The following ELAVL2 variants were observed in gnomAD, a reference collection of about 807,000 sequenced individuals.
ELAVL2 encodes ELAV-like protein 2.
A neutral mutation model predicts 34.6 loss-of-function variants in ELAVL2; 4 were observed. The observed-to-expected ratio is 0.12, with a 90% CI of 0.06 to 0.26. ELAVL2 has a LOEUF of 0.26. ELAVL2 is among the 10% of genes least tolerant of loss of function. The pLI, the probability that ELAVL2 is intolerant of heterozygous loss-of-function variation, is 1.00. For synonymous variants in ELAVL2, 193 were observed against 154.8 expected (o/e 1.25, Z -1.83); for missense variants, 432 against 442.8 (o/e 0.98, Z 0.22).
At chr9:23,703,164 C>T (rs2038061866) in intron 4 of ELAVL2, among the ~76,000 whole-genome samples, 2 of 152,168 alleles carry the variant, frequency 1.3e-5, no homozygotes, top group South Asian at 4.2e-4. Context: ...TACTTGAGAA[C>T]CGCTGACTAA....
chr9:23,835,492 C>T, the ELAVL2 span, among the ~76,000 whole-genome samples: 1 of 151,990 alleles, frequency 6.6e-6, no homozygotes, highest in Non-Finnish European at 1.5e-5. Flanking sequence ...GTATTTTCTG[C>T]TCTAGTTTTC....
At chr9:23,792,852 C>A (rs1487166821) in intron 1 of ELAVL2, among the ~76,000 whole-genome samples, 12 of 152,118 alleles carry the variant, frequency 7.9e-5, no homozygotes, top group Admixed American at 7.9e-4. Context: ...CTCACGGTGG[C>A]CTCCAACTCC....
chr9:23,836,942 G>A, the ELAVL2 span, among the ~76,000 whole-genome samples: 1 of 152,174 alleles, frequency 6.6e-6, no homozygotes, highest in African/African-American at 2.4e-5. Context: ...CCCAAAGGTA[G>A]AGGAATTAGA....
At chr9:23,845,791 T>A in the ELAVL2 span, among the ~76,000 whole-genome samples, 1 of 150,564 alleles carries the variant, frequency 6.6e-6, no homozygotes, top group South Asian at 2.1e-4. Flanking sequence ...TCTCTGCATT[T>A]AAAAAAAAAG....
At chr9:23,739,519 T>C (rs78701722) in intron 2 of ELAVL2, among the ~76,000 whole-genome samples, 2,795 of 152,206 alleles carry the variant, frequency 0.018, 80 homozygotes, top group African/African-American at 0.063. Context: ...TTATAATTAA[T>C]TCTACACAGA....
chr9:23,779,945 C>CT (rs905672409), intron 1 of ELAVL2, among the ~76,000 whole-genome samples: 9 of 103,262 alleles, frequency 8.7e-5, no homozygotes, highest in Non-Finnish European at 1.3e-4. Context: ...TTGGCTTTTT[C>CT]TTTTTTTTCC....
At chr9:23,804,470 CT>C (rs1259633724) in intron 1 of ELAVL2, among the ~76,000 whole-genome samples, 1 of 152,140 alleles carries the variant, frequency 6.6e-6, no homozygotes, top group East Asian at 1.9e-4. Context: ...AGCACATACT[CT>C]TTATTTACAG....
Position 23,692,435 on chromosome 9 carries a change from G to A in ELAVL2, c.*122C>T, listed in dbSNP as rs2033446930. On this transcript the variant is annotated 3_prime_UTR_variant, in exon 7 of 7. Coordinates refer to ENST00000397312, the MANE Select transcript of ELAVL2 (RefSeq NM_004432.5). ...TCTCACATATTTCTTAGGATGCTAA[G>A]TAGTCATTTTATCCCCATCTCAACA... is the stretch of plus-strand genomic sequence containing the variant. 1.0e-6 allele frequency: 1 copy of A among 964,866 alleles called. No individual in the cohort carries two copies. Among genetic ancestry groups the A allele is most frequent in the Non-Finnish European group, 1.5e-6 (1 of 663,544 alleles). The allele number at this position is 964,866 out of a possible 1,614,324, so 59.8% of individuals were successfully genotyped here.
At position 23,692,508 on chromosome 9, in the gene ELAVL2, C is replaced by T. The variant is rs964057783; in HGVS notation, c.*49G>A. The T allele has an allele frequency of 1.9e-6, 3 of 1,539,852 alleles. No individual in the cohort carries two copies. Among genetic ancestry groups the T allele is most frequent in the South Asian group, 1.3e-5 (1 of 78,942 alleles). On this transcript the variant is annotated 3_prime_UTR_variant, in exon 7 of 7. Transcript: ENST00000397312. ...AATGTATAAAGTTTCTCTTAACTTG[C>T]CTTTGTTGTATAGTTTTCATATATA...
rs369930793 is a variant in ELAVL2 at position 23,747,137 on chromosome 9, C to T, written c.229+14869G>A. 2.4e-4 allele frequency among the ~76,000 whole-genome samples: 36 copies of T among 151,794 alleles called. No homozygotes were observed. The South Asian group carries it at 7.3e-3, about 31-fold the overall frequency. The stretch of plus-strand genomic sequence containing the variant: ...TGGATAACTGAAACCACAGATAGTA[C>T]TGAATCCAACATAATATACACTACT... On this transcript the variant is annotated intron_variant, in intron 2 of 6. Transcript: ENST00000397312.
intron 1 of ELAVL2, among the ~76,000 whole-genome samples, chr9:23,818,818 G>T (rs905613812): frequency 6.6e-6 from 1 of 152,222 alleles, no homozygotes; most frequent in Non-Finnish European, 1.5e-5. Context: ...GGTAAAGTCA[G>T]TCTTGATAAG....
intron 1 of ELAVL2, among the ~76,000 whole-genome samples, chr9:23,765,442 A>G (rs2056024051): frequency 6.6e-6 from 1 of 152,298 alleles, no homozygotes; most frequent in Non-Finnish European, 1.5e-5. Context: ...TCTCTTAAGG[A>G]TGTGGGAGAA....
At chr9:23,782,497 G>T (rs570450242) in intron 1 of ELAVL2, among the ~76,000 whole-genome samples, 3 of 152,178 alleles carry the variant, frequency 2.0e-5, no homozygotes, top group Non-Finnish European at 4.4e-5. Context: ...ACTTGAATCT[G>T]GGAGGCAGAG....
At chr9:23,705,377 G>A in intron 3 of ELAVL2, among the ~76,000 whole-genome samples, 1 of 152,200 alleles carries the variant, frequency 6.6e-6, no homozygotes, top group Non-Finnish European at 1.5e-5. Flanking sequence ...AATGGTCAAT[G>A]GGTCTGGGAT....
At chr9:23,819,992 C>G (rs2064313184) in intron 1 of ELAVL2, among the ~76,000 whole-genome samples, 1 of 152,118 alleles carries the variant, frequency 6.6e-6, no homozygotes, top group South Asian at 2.1e-4. Context: ...CAGTAACATT[C>G]GGGTCCACTC....
chr9:23,849,954 C>CA, the ELAVL2 span: 1 of 152,110 alleles, frequency 6.6e-6, no homozygotes, highest in Non-Finnish European at 1.5e-5. Context: ...CTTAAATTTT[C>CA]AAAACTGCTT....
At chr9:23,765,095 G>T in intron 1 of ELAVL2, 1 of 1,597,884 alleles carries the variant, frequency 6.3e-7, no homozygotes, top group Non-Finnish European at 8.5e-7. Context: ...GTTTGGAGTT[G>T]CCGTCTGCAA....
At chr9:23,748,151 T>C (rs1369969389) in intron 2 of ELAVL2, among the ~76,000 whole-genome samples, 1 of 149,132 alleles carries the variant, frequency 6.7e-6, no homozygotes, top group Non-Finnish European at 1.5e-5. Flanking sequence ...GACTGTTATA[T>C]TGATGGGGGG....
chr9:23,838,412 A>G, the ELAVL2 span, among the ~76,000 whole-genome samples: 1 of 152,098 alleles, frequency 6.6e-6, no homozygotes, highest in Non-Finnish European at 1.5e-5. Flanking sequence ...AACTTAGATA[A>G]AGAGAGAGGT....
Sources: gnomAD v4.1 joint callset for allele counts (sites outside exome capture counted in the v4.1 genomes callset) on GRCh38, gnomAD v4.1.1 for gene constraint, MANE v1.5 for transcripts, NCBI Gene and HGNC (gene_info 2026-07-23, HGNC 2026-07-21) for gene names.